Variants in GMDS observed in about 807,000 individuals in gnomAD.
The protein encoded by GMDS is GDP-mannose 4,6-dehydratase, also known as GDP-mannose 4,6 dehydratase.
In GMDS, 20 loss-of-function variants were observed where a neutral mutation model predicts 49.9. The observed-to-expected ratio is 0.40, with a 90% CI of 0.28 to 0.58. The LOEUF (loss-of-function observed/expected upper bound fraction) is 0.58, where lower values mean the gene tolerates loss of function less well. GMDS is among the 20% of genes least tolerant of loss of function. GMDS has a pLI of 0.42. For synonymous variants in GMDS, 177 were observed against 178.6 expected, an observed-to-expected ratio of 0.99 and a Z score of 0.07; for missense variants, 362 against 481.4, an observed-to-expected ratio of 0.75 and a Z score of 2.32.
At chr6:2,065,883 A>G in intron 4 of GMDS, among the ~76,000 whole-genome samples, 1 of 152,232 alleles carries the variant, frequency 6.6e-6, no homozygotes. Flanking sequence ...CCAATCTAGC[A>G]AGGCAGGCCA....
chr6:1,842,352 A>G (rs896262037), intron 7 of GMDS, among the ~76,000 whole-genome samples: 2 of 152,200 alleles, frequency 1.3e-5, no homozygotes, highest in African/African-American at 4.8e-5. Context: ...AGCCTAAGGA[A>G]AGGCAATCCC....
chr6:1,650,503 C>T (rs1169460278), intron 9 of GMDS, among the ~76,000 whole-genome samples: 1 of 152,144 alleles, frequency 6.6e-6, no homozygotes, highest in African/African-American at 2.4e-5. Flanking sequence ...CCTACCAATT[C>T]TTCGTTCATT....
At chr6:1,946,433 TG>T (rs1763076346) in intron 6 of GMDS, among the ~76,000 whole-genome samples, 1 of 152,200 alleles carries the variant, frequency 6.6e-6, no homozygotes, top group South Asian at 2.1e-4. Context: ...CGTTTTATTA[TG>T]GGGATTAAAA....
chr6:1,750,534 G>A (rs980692048), intron 7 of GMDS, among the ~76,000 whole-genome samples: 3 of 152,152 alleles, frequency 2.0e-5, no homozygotes, highest in African/African-American at 7.2e-5. Flanking sequence ...GTGCCATGGG[G>A]AACTGTGGAT....
chr6:2,160,352 T>C (rs1777333311), intron 1 of GMDS, among the ~76,000 whole-genome samples: 2 of 152,210 alleles, frequency 1.3e-5, no homozygotes, highest in African/African-American at 4.8e-5. Context: ...TAACATTTAA[T>C]CTTCACTAAG....
chr6:1,704,291 G>A (rs72840372), intron 9 of GMDS, among the ~76,000 whole-genome samples: 3,100 of 152,070 alleles, frequency 0.02, 44 homozygotes, highest in Non-Finnish European at 0.029. Context: ...GATTCAAGGC[G>A]GGGTGGGTGT....
chr6:2,238,018 T>C (rs540494115), intron 1 of GMDS, among the ~76,000 whole-genome samples: 10 of 152,068 alleles, frequency 6.6e-5, no homozygotes, highest in Non-Finnish European at 1.3e-4. Flanking sequence ...TGGCTAAAGG[T>C]ACAGCACAGC....
At chr6:1,770,900 C>G (rs778548649) in intron 7 of GMDS, among the ~76,000 whole-genome samples, 1 of 152,168 alleles carries the variant, frequency 6.6e-6, no homozygotes, top group African/African-American at 2.4e-5. Flanking sequence ...GAGGCATTTG[C>G]CATTGCAGCA....
At chr6:1,638,407 GCTC>G (rs1276251138) in intron 9 of GMDS, among the ~76,000 whole-genome samples, 2 of 152,154 alleles carry the variant, frequency 1.3e-5, no homozygotes, top group Non-Finnish European at 2.9e-5. Context: ...ACACTGATCA[GCTC>G]CTCGAGTGCC....
intron 7 of GMDS, among the ~76,000 whole-genome samples, chr6:1,835,434 A>G (rs1432782724): frequency 2.0e-5 from 3 of 152,214 alleles, no homozygotes; most frequent in East Asian, 3.8e-4. Flanking sequence ...GGGAGTTGTT[A>G]TAACAAATTT....
At chr6:1,944,669 C>CAAA (rs56229524) in intron 6 of GMDS, among the ~76,000 whole-genome samples, 7 of 101,138 alleles carry the variant, frequency 6.9e-5, no homozygotes, top group Admixed American at 3.0e-4. Context: ...GACTCCGTCT[C>CAAA]AAAAAAAAAA....
intron 7 of GMDS, among the ~76,000 whole-genome samples, chr6:1,804,872 T>C (rs1273980657): frequency 1.3e-5 from 2 of 152,210 alleles, no homozygotes; most frequent in South Asian, 2.1e-4. Flanking sequence ...CTTTAAGGCA[T>C]AGAACACTAA....
intron 7 of GMDS, among the ~76,000 whole-genome samples, chr6:1,753,178 G>A (rs1353854889): frequency 6.6e-6 from 1 of 152,080 alleles, no homozygotes; most frequent in Non-Finnish European, 1.5e-5. Context: ...CAAAATAAAG[G>A]GATGGAGGAA....
chr6:2,216,301 A>C (rs1780330973), intron 1 of GMDS, among the ~76,000 whole-genome samples: 1 of 152,244 alleles, frequency 6.6e-6, no homozygotes, highest in Non-Finnish European at 1.5e-5. Context: ...AATGTGTTTA[A>C]ACTCAATTGA....
chr6:2,116,007 G>A (rs1442608263), intron 3 of GMDS, 127 bp from the exon 4 acceptor site: 1 of 635,534 alleles, frequency 1.6e-6, no homozygotes, highest in Admixed American at 2.3e-5. Flanking sequence ...ATGCTGTACT[G>A]ATGGTTCTGG....
chr6:2,106,977 T>C (rs1774280333), intron 4 of GMDS, among the ~76,000 whole-genome samples: 1 of 152,228 alleles, frequency 6.6e-6, no homozygotes, highest in Non-Finnish European at 1.5e-5. Context: ...AATATGTTCA[T>C]TTAGCTATTT....
intron 4 of GMDS, among the ~76,000 whole-genome samples, chr6:2,107,151 C>A (rs1440977364): frequency 6.6e-6 from 1 of 152,166 alleles, no homozygotes; most frequent in Non-Finnish European, 1.5e-5. Flanking sequence ...GAGCAAAATT[C>A]CAAACATTAT....
chr6:2,238,393 A>C (rs1781469326), intron 1 of GMDS, among the ~76,000 whole-genome samples: 1 of 152,160 alleles, frequency 6.6e-6, no homozygotes, highest in South Asian at 2.1e-4. Flanking sequence ...CTTCCCCCAG[A>C]AAACTGATTT....
In GMDS at chr6:1,888,134, A is replaced by AT. The variant is rs56167840; in HGVS notation, c.771+41968dup. On this transcript the variant is annotated intron_variant, in intron 7 of 10. Transcript: ENST00000380815. ...TGGCTATTTTTTTATTATTATTATT[A>AT]TTTTTTTTTTTTTTTTGAAGAGATG... Among the ~76,000 whole-genome samples the AT allele has an allele frequency of 3.4e-3, 482 of 140,526 alleles. 6 individuals are homozygous for AT. Among genetic ancestry groups the AT allele is most frequent in the East Asian group, 0.015 (77 of 4,968 alleles). The allele number at this position is 140,526 out of a possible 152,430, so 92.2% of individuals were successfully genotyped here.
Sources: gnomAD v4.1 joint callset for allele counts (sites outside exome capture counted in the v4.1 genomes callset) on GRCh38, gnomAD v4.1.1 for gene constraint, MANE v1.5 for transcripts, NCBI Gene and HGNC (gene_info 2026-07-23, HGNC 2026-07-21) for gene names.